The following GAGE10 variants were observed in gnomAD, a reference collection of about 807,000 sequenced individuals.
GAGE10 encodes the protein G antigen 10.
A neutral mutation model predicts 11.5 loss-of-function variants in GAGE10; 9 were observed. The ratio of observed to expected loss-of-function variants is 0.78; its 90% CI spans 0.47 to 1.37. The LOEUF (loss-of-function observed/expected upper bound fraction) is 1.37. Ranked by LOEUF, GAGE10 falls within the 40% of genes most tolerant of loss-of-function variation. The pLI is 0.00. For missense variants in GAGE10, 83 were observed against 92.9 expected (o/e 0.89, Z 0.44); for synonymous variants, 23 against 29.7 (o/e 0.77, Z 0.73).
chrX:49,305,069 A>G (rs1557123923), intron 2 of GAGE10, 129 bp downstream of exon 2: 8 of 1,002,200 alleles, frequency 8.0e-6, no homozygotes, highest in Non-Finnish European at 1.3e-6. Flanking sequence ...ATGGCGTCTC[A>G]TGAAGGAAAC....
chrX:49,313,565 T>G (rs1282533861), intron 3 of GAGE10, among the ~76,000 whole-genome samples: 2 of 111,798 alleles, frequency 1.8e-5, no homozygotes, highest in Non-Finnish European at 3.8e-5. Context: ...CCTGTAAGTC[T>G]AACAGACCCA....
In GAGE10 at chrX:49,317,236, T is replaced by G. The variant is rs782167554; in HGVS notation, c.276T>G (p.Asp92Glu). ...KTGCECGDGPDGQEMGLPNPE... is the reference protein window; with the variant it reads ...KTGCECGDGPEGQEMGLPNPE... ...GGTGTGAGTGTGGAGATGGTCCTGATGGCCAGGAGATGGGCCTGCCAAATC... is the reference window on the plus strand; with the variant it reads ...GGTGTGAGTGTGGAGATGGTCCTGAGGGCCAGGAGATGGGCCTGCCAAATC... The change falls in exon 4 of 5, where the codon GAT becomes GAG. Residue 92 changes from aspartate (D) to glutamate (E), a missense_variant. Transcript: ENST00000407599. 8.3e-7 allele frequency: 1 copy of G among 1,208,267 alleles called. No individual in the cohort carries two copies. Among genetic ancestry groups the G allele is most frequent in the East Asian group, 3.0e-5 (1 of 33,764 alleles).
intron 4 of GAGE10, among the ~76,000 whole-genome samples, 184 bp downstream of exon 4, chrX:49,317,472 C>T (rs1403743896): frequency 3.6e-5 from 4 of 111,400 alleles, no homozygotes; most frequent in Admixed American, 9.5e-5. Context: ...ATGAGCCTCT[C>T]GCGGAGCTGG....
chrX:49,311,216 C>T lies in GAGE10; in HGVS notation c.202+5692C>T, dbSNP rs782117703. On this transcript the variant is annotated intron_variant, in intron 3 of 4. Transcript: ENST00000407599. ...TGGTACGAGTCCGTCAATATCCCTACCCAGAGAGGCAATTGATGGCATAAC... is the reference window on the plus strand; with the variant it reads ...TGGTACGAGTCCGTCAATATCCCTATCCAGAGAGGCAATTGATGGCATAAC... Among the ~76,000 whole-genome samples, 9 of 111,985 alleles carry T rather than the reference C, an allele frequency of 8.0e-5. 1 individual carries two copies. Among genetic ancestry groups the T allele is most frequent in the Non-Finnish European group, 1.5e-4 (8 of 53,165 alleles).
intron 1 of GAGE10, among the ~76,000 whole-genome samples, chrX:49,304,254 A>G (rs12850098): frequency 8.9e-6 from 1 of 111,918 alleles, no homozygotes; most frequent in South Asian, 3.7e-4. Context: ...GCATCGCAAG[A>G]TCTCACCTCC....
At chrX:49,317,602 C>A (rs2066398693) in intron 4 of GAGE10, among the ~76,000 whole-genome samples, 1 of 109,950 alleles carries the variant, frequency 9.1e-6, no homozygotes, top group African/African-American at 3.3e-5. Context: ...CTTAACTTAA[C>A]CTTTGAAATT....
chrX:49,315,823 G>C (rs1209662218), intron 3 of GAGE10, among the ~76,000 whole-genome samples: 1 of 111,697 alleles, frequency 9.0e-6, no homozygotes, highest in Non-Finnish European at 1.9e-5. Context: ...GTGGGTTTTT[G>C]TTTAATCTTG....
At chrX:49,315,840 GCCTCAT>G (rs1557125165) in intron 3 of GAGE10, among the ~76,000 whole-genome samples, 1 of 111,590 alleles carries the variant, frequency 9.0e-6, no homozygotes, top group African/African-American at 3.3e-5. Context: ...CTTGGCATCT[GCCTCAT>G]CCTCCCTTTT....
chrX:49,308,181 T>C (rs1569531485), intron 3 of GAGE10, among the ~76,000 whole-genome samples: 1 of 112,696 alleles, frequency 8.9e-6, no homozygotes, highest in Non-Finnish European at 1.9e-5. Context: ...CCTTTGGATG[T>C]TAATCTGACT....
At chrX:49,313,700 G>T (rs1463225419) in intron 3 of GAGE10, among the ~76,000 whole-genome samples, 1 of 111,784 alleles carries the variant, frequency 8.9e-6, no homozygotes, top group Non-Finnish European at 1.9e-5. Flanking sequence ...AAAGTTGCAG[G>T]TGTCACACCT....
At chrX:49,306,653 G>A (rs2066358158) in intron 3 of GAGE10, among the ~76,000 whole-genome samples, 1 of 111,403 alleles carries the variant, frequency 9.0e-6, no homozygotes, top group African/African-American at 3.3e-5. Flanking sequence ...CTGAATATAA[G>A]CATTATACAT....
At chrX:49,317,132 C>T (rs782492857) in intron 3 of GAGE10, 31 bp from the exon 4 acceptor site, 68 of 1,174,688 alleles carry the variant, frequency 5.8e-5, no homozygotes, top group Non-Finnish European at 7.8e-5. Context: ...TGTTTTACTG[C>T]TTAAATTGAT....
chrX:49,305,057 TG>T, intron 2 of GAGE10, 117 bp downstream of exon 2: 1 of 1,009,040 alleles, frequency 9.9e-7, no homozygotes, highest in Admixed American at 3.0e-5. Flanking sequence ...TAAAAAATGA[TG>T]ATGGCGTCTC....
chrX:49,316,325 T>C (rs2066391395), intron 3 of GAGE10, among the ~76,000 whole-genome samples: 1 of 112,003 alleles, frequency 8.9e-6, no homozygotes, highest in Non-Finnish European at 1.9e-5. Context: ...GTAATGCATG[T>C]TTTAATTGAA....
intron 3 of GAGE10, among the ~76,000 whole-genome samples, chrX:49,311,774 C>T (rs191315070): frequency 3.6e-4 from 40 of 111,859 alleles, no homozygotes; most frequent in Admixed American, 3.0e-3. Context: ...TGACATTGGC[C>T]GGTAGCATAC....
At chrX:49,308,267 C>T (rs1264993594) in intron 3 of GAGE10, among the ~76,000 whole-genome samples, 1 of 112,199 alleles carries the variant, frequency 8.9e-6, no homozygotes, top group East Asian at 2.8e-4. Context: ...TATCCTGCAG[C>T]ATTTCTGGTG....
chrX:49,314,453 G>T (rs1338364891), intron 3 of GAGE10, among the ~76,000 whole-genome samples: 2 of 112,485 alleles, frequency 1.8e-5, no homozygotes, highest in Non-Finnish European at 3.8e-5. Flanking sequence ...GGACTGCTCT[G>T]CTAAGGAGTA....
chrX:49,310,595 G>A (rs1461129415), intron 3 of GAGE10, among the ~76,000 whole-genome samples: 2 of 111,552 alleles, frequency 1.8e-5, no homozygotes, highest in Non-Finnish European at 3.8e-5. Flanking sequence ...TGATCTGATC[G>A]GCTTAGCGGG....
chrX:49,304,398 A>G (rs1227914259), intron 1 of GAGE10, among the ~76,000 whole-genome samples: 1 of 112,965 alleles, frequency 8.9e-6, no homozygotes, highest in Non-Finnish European at 1.9e-5. Context: ...ATTATGATTC[A>G]CTAATGTTTT....
Sources: allele counts gnomAD v4.1 joint callset (sites outside exome capture counted in the v4.1 genomes callset), GRCh38; gene constraint gnomAD v4.1.1; transcripts MANE v1.5; gene names NCBI Gene and HGNC (gene_info 2026-07-23, HGNC 2026-07-21).